The following TPRG1 variants were observed in gnomAD, a reference collection of about 807,000 sequenced individuals.
The protein encoded by TPRG1 is tumor protein p63-regulated gene 1 protein.
Under a neutral mutation model 29.3 loss-of-function variants are expected in TPRG1, and 29 were observed. That is an observed-to-expected ratio of 0.99 (90% CI 0.74 to 1.35). The LOEUF (loss-of-function observed/expected upper bound fraction) is 1.35, where lower values mean the gene tolerates loss of function less well. Ranked by LOEUF, TPRG1 falls within the 40% of genes most tolerant of loss-of-function variation. The probability of loss-of-function intolerance (pLI) is 0.00; values close to 1 mark genes in which losing one functional copy is unlikely to be tolerated. For missense variants in TPRG1, 327 were observed against 335.0 expected (o/e 0.98, Z 0.19); for synonymous variants, 130 against 116.8 (o/e 1.11, Z -0.73).
chr3:189,160,716 G>T (rs533727637), intron 5 of TPRG1, among the ~76,000 whole-genome samples: 1 of 152,304 alleles, frequency 6.6e-6, no homozygotes, highest in African/African-American at 2.4e-5. Context: ...TTGGAATGCT[G>T]ACCTTGCCCC....
At chr3:189,284,249 G>A (rs572532805) in intron 4 of TPRG1, among the ~76,000 whole-genome samples, 1 of 149,344 alleles carries the variant, frequency 6.7e-6, no homozygotes, top group Non-Finnish European at 1.5e-5. Flanking sequence ...TGTGCACAAC[G>A]TGCAGGTTAG....
intron 3 of TPRG1, among the ~76,000 whole-genome samples, chr3:189,139,323 A>G (rs1022529001): frequency 1.3e-5 from 2 of 152,114 alleles, no homozygotes; most frequent in African/African-American, 4.8e-5. Context: ...GATACTGACC[A>G]CACTTTGGGG....
intron 3 of TPRG1, among the ~76,000 whole-genome samples, chr3:189,140,617 C>T (rs575527203): frequency 1.3e-5 from 2 of 152,242 alleles, no homozygotes; most frequent in South Asian, 4.2e-4. Context: ...TAAGGCAGCC[C>T]GTTCTTTTCC....
intron 3 of TPRG1, among the ~76,000 whole-genome samples, chr3:189,230,269 G>A (rs1167261446): frequency 1.3e-5 from 2 of 152,140 alleles, no homozygotes; most frequent in Non-Finnish European, 2.9e-5. Flanking sequence ...AAAATAAGTG[G>A]GAAAAGCGGC....
intron 4 of TPRG1, among the ~76,000 whole-genome samples, chr3:189,045,796 A>G (rs1344045118): frequency 1.3e-5 from 2 of 152,226 alleles, no homozygotes; most frequent in African/African-American, 4.8e-5. Flanking sequence ...TGCAGTGGAG[A>G]GGACAAGCCT....
At chr3:189,296,045 C>T (rs992359251) in intron 4 of TPRG1, among the ~76,000 whole-genome samples, 4 of 151,982 alleles carry the variant, frequency 2.6e-5, no homozygotes, top group African/African-American at 4.8e-5. Flanking sequence ...GTTTCTAAAA[C>T]GGAGGTACAC....
At chr3:189,008,404 T>C (rs1332071378) in intron 3 of TPRG1, among the ~76,000 whole-genome samples, 1 of 152,134 alleles carries the variant, frequency 6.6e-6, no homozygotes, top group Non-Finnish European at 1.5e-5. Flanking sequence ...TCTCTTCAAA[T>C]ATGATTGATG....
chr3:189,255,728 G>T (rs1292446565), intron 4 of TPRG1, among the ~76,000 whole-genome samples: 1 of 152,094 alleles, frequency 6.6e-6, no homozygotes, highest in African/African-American at 2.4e-5. Flanking sequence ...TCAGGAATTT[G>T]ATTTCTTCCT....
chr3:189,124,668 C>A (rs1043311526), intron 1 of TPRG1, among the ~76,000 whole-genome samples: 1 of 152,084 alleles, frequency 6.6e-6, no homozygotes, highest in Non-Finnish European at 1.5e-5. Flanking sequence ...GTCCTCTCCA[C>A]TTTATGTATG....
chr3:189,257,340 T>C (rs147732391), intron 4 of TPRG1, among the ~76,000 whole-genome samples: 4,539 of 152,314 alleles, frequency 0.03, 224 homozygotes, highest in African/African-American at 0.1. Flanking sequence ...GTCCCCACTC[T>C]CTTCTGGCTT....
intron 1 of TPRG1, among the ~76,000 whole-genome samples, chr3:189,196,212 G>A (rs1320571995): frequency 6.6e-6 from 1 of 152,176 alleles, no homozygotes; most frequent in Admixed American, 6.5e-5. Flanking sequence ...AAATGAAGAT[G>A]TTGAGTTAGA....
At chr3:189,138,570 T>C (rs1279901783) in intron 3 of TPRG1, among the ~76,000 whole-genome samples, 1 of 151,938 alleles carries the variant, frequency 6.6e-6, no homozygotes, top group Non-Finnish European at 1.5e-5. Context: ...CAGCTGGAGG[T>C]TGGAGAAAGA....
At position 189,207,433 on chromosome 3, in the gene TPRG1, C is replaced by CAA; in HGVS notation, c.50_51dup (p.Glu18LysfsTer31). The CAA allele has an allele frequency of 3.7e-6, 6 of 1,613,986 alleles. No individual in the cohort carries two copies. The highest frequency in any genetic ancestry group is 5.1e-6 in the Non-Finnish European group (6 of 1,179,952). On this transcript the variant is annotated frameshift_variant, in exon 2 of 6. Coordinates refer to ENST00000345063, the MANE Select transcript of TPRG1 (RefSeq NM_198485.4). LOFTEE classifies it high-confidence loss of function. The stretch of plus-strand genomic sequence containing the variant: ...AGGATTCCAGGCTGTGTCTCTGAAG[C>CAA]AAGAGGGAGATGACCAACCCTCTGA...
intron 4 of TPRG1, among the ~76,000 whole-genome samples, chr3:189,147,859 G>T (rs546783525): frequency 6.6e-6 from 1 of 152,306 alleles, no homozygotes; most frequent in South Asian, 2.1e-4. Flanking sequence ...TTCAGCAGAC[G>T]CCAGCAGTCA....
chr3:189,138,558 C>G (rs555728040), intron 3 of TPRG1, among the ~76,000 whole-genome samples: 2 of 152,250 alleles, frequency 1.3e-5, no homozygotes, highest in South Asian at 4.2e-4. Flanking sequence ...GTCTTTGCCA[C>G]TCAGCTGGAG....
rs1027012679 is a variant in TPRG1 at position 189,190,896 on chromosome 3, G to A, written c.-9-16480G>A. The stretch of plus-strand genomic sequence containing the variant: ...TTTGTGATTGAGTCATACATTTACA[G>A]AAAGGCTGATCAAAACCAAACATTA... On this transcript the variant is annotated intron_variant, in intron 1 of 5. Coordinates refer to ENST00000345063, the MANE Select transcript of TPRG1 (RefSeq NM_198485.4). 5.5e-6 allele frequency: 5 copies of A among 917,024 alleles called. 1 individual carries two copies. The East Asian group carries it at 4.7e-4, about 86-fold the overall frequency. The allele number at this position is 917,024 out of a possible 1,614,324, so 56.8% of individuals were successfully genotyped here. A position where few individuals can be genotyped will look rare whatever the true frequency, so the allele number is the denominator to read the frequency against.
chr3:189,112,889 G>A (rs903987883), intron 1 of TPRG1, among the ~76,000 whole-genome samples: 2 of 152,176 alleles, frequency 1.3e-5, no homozygotes, highest in Admixed American at 1.3e-4. Context: ...GAACTTTAAA[G>A]TAGTTTTTTC....
chr3:189,194,601 G>T (rs145702063), intron 1 of TPRG1, among the ~76,000 whole-genome samples: 1 of 152,174 alleles, frequency 6.6e-6, no homozygotes, highest in African/African-American at 2.4e-5. Flanking sequence ...CTACCCATGG[G>T]TGGGAGCTCA....
At chr3:189,143,718 C>CCTAACACA (rs1325321541) in intron 3 of TPRG1, among the ~76,000 whole-genome samples, 4 of 152,196 alleles carry the variant, frequency 2.6e-5, no homozygotes, top group Admixed American at 2.6e-4. Flanking sequence ...GTAGGTGACA[C>CCTAACACA]TGATTTCATA....
Sources: allele counts gnomAD v4.1 joint callset (sites outside exome capture counted in the v4.1 genomes callset), GRCh38; gene constraint gnomAD v4.1.1; transcripts MANE v1.5; gene names NCBI Gene and HGNC (gene_info 2026-07-23, HGNC 2026-07-21).